The following RELN variants were observed in gnomAD, a reference collection of about 807,000 sequenced individuals.
RELN encodes the protein reelin.
A neutral mutation model predicts 427.6 loss-of-function variants in RELN; 108 were observed. The ratio of observed to expected loss-of-function variants is 0.25; its 90% CI spans 0.22 to 0.30. The LOEUF (loss-of-function observed/expected upper bound fraction) is 0.30, where lower values mean the gene tolerates loss of function less well. Ranked by LOEUF, RELN falls within the 10% of genes least tolerant of loss-of-function variation. The pLI is 1.00. For missense variants in RELN, 3,715 were observed against 4,302.8 expected, an observed-to-expected ratio of 0.86 and a Z score of 3.82; for synonymous variants, 1,524 against 1,513.4, an observed-to-expected ratio of 1.01 and a Z score of -0.16.
At chr7:103,755,535 G>A (rs1240484897) in intron 4 of RELN, among the ~76,000 whole-genome samples, 1 of 151,672 alleles carries the variant, frequency 6.6e-6, no homozygotes, top group Non-Finnish European at 1.5e-5. Context: ...GTGAACCCAG[G>A]AGGCGGAGCT....
intron 11 of RELN, among the ~76,000 whole-genome samples, chr7:103,676,594 T>A (rs541617369): frequency 1.4e-3 from 209 of 152,366 alleles, no homozygotes; most frequent in African/African-American, 4.9e-3. Flanking sequence ...TGCACACGTA[T>A]GTTTATTGAG....
At chr7:103,482,763 T>C (rs1828287482) in intron 63 of RELN, 110 bp downstream of exon 63, 1 of 1,573,296 alleles carries the variant, frequency 6.4e-7, no homozygotes, top group African/African-American at 1.3e-5. Context: ...AGTGCTCCTG[T>C]GGGGGCTTCT....
At chr7:103,714,392 C>G (rs1223963622) in intron 8 of RELN, among the ~76,000 whole-genome samples, 1 of 152,156 alleles carries the variant, frequency 6.6e-6, no homozygotes, top group Non-Finnish European at 1.5e-5. Flanking sequence ...GGAAAATCTA[C>G]TGGGAAGATG....
intron 59 of RELN, among the ~76,000 whole-genome samples, 171 bp downstream of exon 59, chr7:103,490,497 A>T (rs1290758992): frequency 6.6e-6 from 1 of 152,200 alleles, no homozygotes; most frequent in African/African-American, 2.4e-5. Context: ...TGCAGTTGCC[A>T]TTTGGGGGCA....
intron 10 of RELN, among the ~76,000 whole-genome samples, chr7:103,687,559 A>AT (rs113516739): frequency 0.051 from 7,694 of 152,150 alleles, 664 homozygotes; most frequent in African/African-American, 0.17. Flanking sequence ...TTCCCTCCTG[A>AT]TTTTTTTCCC....
chr7:103,482,379 C>T (rs1362942901), intron 63 of RELN: 1 of 172,454 alleles, frequency 5.8e-6, no homozygotes, highest in Non-Finnish European at 1.3e-5. Context: ...ACACCTTTAA[C>T]TTGTTAGGTG....
At chr7:103,909,701 A>AT (rs1795302509) in intron 2 of RELN, among the ~76,000 whole-genome samples, 1 of 50,974 alleles carries the variant, frequency 2.0e-5, no homozygotes, top group Non-Finnish European at 3.0e-5. Context: ...ATATATATTT[A>AT]ATATATATAA....
intron 47 of RELN, among the ~76,000 whole-genome samples, 165 bp from the exon 48 acceptor site, chr7:103,522,364 G>C (rs1039134708): frequency 3.3e-5 from 5 of 152,162 alleles, no homozygotes; most frequent in African/African-American, 1.2e-4. Context: ...CTGTACTTTA[G>C]GTTACAAATA....
At position 103,472,904 on chromosome 7, in the gene RELN, G is replaced by A. The variant is rs1186048226; in HGVS notation, c.10291C>T (p.Arg3431Cys). The change falls in exon 65 of 65, where the codon CGC (arginine) becomes TGC (cysteine). Residue 3431 changes from arginine (R) to cysteine (C), a missense_variant. Arg to Cys is a radical substitution (Grantham distance 180). Coordinates refer to ENST00000428762, the MANE Select transcript of RELN (RefSeq NM_005045.4). ...AAATTCATCATGTAATTTTGTTTGC[G>A]AGTGCTGTTAAAATCAAACAGGATA... is the stretch of plus-strand genomic sequence containing the variant. ...DHVEVVLVSTRKQNYMMNFSR... is the reference protein window; with the variant it reads ...DHVEVVLVSTCKQNYMMNFSR... 3.7e-6 allele frequency: 6 copies of A among 1,613,412 alleles called. No homozygotes were observed. The highest frequency in any genetic ancestry group is 2.2e-5 in the East Asian group (1 of 44,862).
intron 2 of RELN, among the ~76,000 whole-genome samples, chr7:103,909,653 TAATATATATA>T (rs1401235875): frequency 1.1e-5 from 1 of 91,084 alleles, no homozygotes; most frequent in Admixed American, 1.5e-4. Flanking sequence ...TATATATATT[TAATATATATA>T]AATATATATT....
intron 8 of RELN, among the ~76,000 whole-genome samples, chr7:103,711,341 C>T (rs1376684774): frequency 6.6e-6 from 1 of 152,218 alleles, no homozygotes; most frequent in African/African-American, 2.4e-5. Context: ...GGTGGACCCA[C>T]ACAACTCAGA....
chr7:103,860,206 A>C (rs1721054507), intron 2 of RELN, among the ~76,000 whole-genome samples: 1 of 152,224 alleles, frequency 6.6e-6, no homozygotes, highest in South Asian at 2.1e-4. Flanking sequence ...AAATAACTTT[A>C]TACTCAACTC....
chr7:103,502,748 G>T (rs1829076854), intron 52 of RELN, among the ~76,000 whole-genome samples: 1 of 152,154 alleles, frequency 6.6e-6, no homozygotes, highest in Non-Finnish European at 1.5e-5. Flanking sequence ...CATCACTATT[G>T]CTCTGTTCCC....
At chr7:103,974,644 C>G (rs548355785) in intron 1 of RELN, among the ~76,000 whole-genome samples, 51 of 152,296 alleles carry the variant, frequency 3.3e-4, no homozygotes, top group African/African-American at 1.2e-3. Flanking sequence ...CTGCTGTTCC[C>G]TTTGTATGTT....
intron 33 of RELN, among the ~76,000 whole-genome samples, chr7:103,565,952 G>A (rs2117187537): frequency 7.4e-6 from 1 of 134,684 alleles, no homozygotes; most frequent in Admixed American, 7.9e-5. Context: ...TACAAGTTAT[G>A]AAACATAGGA....
chr7:103,777,883 T>TCACACACA (rs201873652), intron 3 of RELN, among the ~76,000 whole-genome samples: 6,032 of 143,878 alleles, frequency 0.042, 186 homozygotes, highest in African/African-American at 0.085. Context: ...TGTTATACCT[T>TCACACACA]CACACACACA....
At chr7:103,927,037 C>G (rs1795760572) in intron 1 of RELN, among the ~76,000 whole-genome samples, 1 of 151,998 alleles carries the variant, frequency 6.6e-6, no homozygotes, top group African/African-American at 2.4e-5. Flanking sequence ...AGCAACTGTC[C>G]TAAAATAAAA....
At chr7:103,841,284 A>G (rs1793545722) in intron 2 of RELN, among the ~76,000 whole-genome samples, 1 of 152,196 alleles carries the variant, frequency 6.6e-6, no homozygotes, top group Non-Finnish European at 1.5e-5. Flanking sequence ...TGTACCAACA[A>G]TCAATATCAC....
chr7:103,682,409 T>A lies in RELN; in HGVS notation c.1144-148A>T, dbSNP rs1255979800. 7.2e-6 allele frequency: 6 copies of A among 835,662 alleles called. No homozygotes were observed. The South Asian group carries it at 9.0e-5, about 13-fold the overall frequency. 51.8% of individuals were successfully genotyped at this position (835,662 alleles called of 1,614,324 possible). ...CAAATCAAAAGAGCTTGTTACCTCT[T>A]TTTTGCCTTGTTTAATTCAATTACA... On this transcript the variant is annotated intron_variant, in intron 10 of 64. Transcript: ENST00000428762.
Sources: gnomAD v4.1 joint callset for allele counts (sites outside exome capture counted in the v4.1 genomes callset) on GRCh38, gnomAD v4.1.1 for gene constraint, MANE v1.5 for transcripts, NCBI Gene and HGNC (gene_info 2026-07-23, HGNC 2026-07-21) for gene names.